The following NHSL1 variants were observed in gnomAD, a reference collection of about 807,000 sequenced individuals.
NHSL1 encodes NHS-like protein 1.
NHSL1 carries 48 observed loss-of-function variants against 95.0 expected under a neutral mutation model. The ratio of observed to expected loss-of-function variants is 0.51; its 90% CI spans 0.40 to 0.64. The LOEUF (loss-of-function observed/expected upper bound fraction) is 0.64, where lower values mean the gene tolerates loss of function less well. NHSL1 is among the 30% of genes least tolerant of loss of function. The pLI is 0.00. For missense variants in NHSL1, 1,971 were observed against 2,077.7 expected (o/e 0.95, Z 1.00); for synonymous variants, 783 against 833.9 (o/e 0.94, Z 1.05).
intron 1 of NHSL1, among the ~76,000 whole-genome samples, chr6:138,594,494 G>T (rs1335917289): frequency 6.6e-6 from 1 of 152,090 alleles, no homozygotes. Flanking sequence ...TGATCTTCAT[G>T]CACTTGTCTA....
At chr6:138,537,895 C>G (rs1782422469) in intron 1 of NHSL1, among the ~76,000 whole-genome samples, 1 of 152,096 alleles carries the variant, frequency 6.6e-6, no homozygotes, top group Non-Finnish European at 1.5e-5. Flanking sequence ...TGCAGAGATC[C>G]AGGCCGGCGA....
chr6:138,428,604 G>A (rs138004738), intron 7 of NHSL1, among the ~76,000 whole-genome samples: 72 of 152,242 alleles, frequency 4.7e-4, no homozygotes, highest in Middle Eastern at 3.4e-3. Flanking sequence ...CACCGGCTTC[G>A]TTCCCCCCAC....
intron 1 of NHSL1, among the ~76,000 whole-genome samples, chr6:138,638,331 A>C (rs1784915392): frequency 6.6e-6 from 1 of 152,210 alleles, no homozygotes; most frequent in Non-Finnish European, 1.5e-5. Context: ...TTAAACTAAA[A>C]GAGTATAATT....
At chr6:138,665,179 C>A (rs900058960) in intron 1 of NHSL1, among the ~76,000 whole-genome samples, 1 of 152,274 alleles carries the variant, frequency 6.6e-6, no homozygotes, top group Non-Finnish European at 1.5e-5. Flanking sequence ...ATTTCTATTT[C>A]TAGTAACACT....
chr6:138,653,305 C>T (rs892416852), intron 1 of NHSL1, among the ~76,000 whole-genome samples: 1 of 152,110 alleles, frequency 6.6e-6, no homozygotes, highest in Non-Finnish European at 1.5e-5. Context: ...CCTGTAATCT[C>T]AGCACTTTGG....
chr6:138,522,768 G>A lies in NHSL1; in HGVS notation c.16+22855C>T, dbSNP rs138112073. Among the ~76,000 whole-genome samples, 32 of 152,192 alleles carry A rather than the reference G, an allele frequency of 2.1e-4. No homozygotes were observed. In the South Asian group the frequency reaches 6.4e-3, roughly 31 times the overall value. ...TGAGGCTGCAGTGAGCCGTGATTGT[G>A]CCACTGCACTCCAGCCTGCTGACAG... On this transcript the variant is annotated intron_variant, in intron 1 of 4. Coordinates refer to the NHSL1 transcript ENST00000342260.
chr6:138,559,153 A>C (rs1783316872), intron 1 of NHSL1, among the ~76,000 whole-genome samples: 1 of 152,258 alleles, frequency 6.6e-6, no homozygotes, highest in African/African-American at 2.4e-5. Flanking sequence ...AAAAATTGGA[A>C]GTTAAAGTTT....
At chr6:138,593,102 C>G (rs1237107809) in intron 1 of NHSL1, among the ~76,000 whole-genome samples, 1 of 152,212 alleles carries the variant, frequency 6.6e-6, no homozygotes, top group Non-Finnish European at 1.5e-5. Context: ...CCACACAAAC[C>G]AGAGAATCAG....
chr6:138,626,784 C>T lies in NHSL1; in HGVS notation c.96+65692G>A, dbSNP rs1784744051. On this transcript the variant is annotated intron_variant, in intron 1 of 3. Coordinates refer to the NHSL1 transcript ENST00000491526. ...TGGCGGGCGCCTGTCGTCCCAGCTACTTGGGAGGCTGAGGCAGGAGAATGG... is the reference window on the plus strand; with the variant it reads ...TGGCGGGCGCCTGTCGTCCCAGCTATTTGGGAGGCTGAGGCAGGAGAATGG... Among the ~76,000 whole-genome samples the T allele has an allele frequency of 1.9e-5, 2 of 107,434 alleles. 1 individual carries two copies. Among genetic ancestry groups the T allele is most frequent in the Non-Finnish European group, 3.6e-5 (2 of 55,456 alleles). 70.5% of individuals were successfully genotyped at this position (107,434 alleles called of 152,430 possible).
intron 1 of NHSL1, among the ~76,000 whole-genome samples, chr6:138,683,435 T>C (rs1448829958): frequency 6.6e-6 from 1 of 152,196 alleles, no homozygotes; most frequent in Non-Finnish European, 1.5e-5. Flanking sequence ...CAGCAGCAAC[T>C]GTTAAATAAA....
At chr6:138,465,867 G>T (rs1386897641) in intron 3 of NHSL1, among the ~76,000 whole-genome samples, 1 of 151,614 alleles carries the variant, frequency 6.6e-6, no homozygotes. Flanking sequence ...GGGATTACAG[G>T]TGCCTGCCAC....
intron 6 of NHSL1, among the ~76,000 whole-genome samples, 155 bp from the exon 7 acceptor site, chr6:138,429,998 G>A (rs1367421634): frequency 1.3e-5 from 2 of 152,196 alleles, no homozygotes; most frequent in Admixed American, 1.3e-4. Flanking sequence ...TACAAAGAAG[G>A]GAGGAAATGA....
At chr6:138,604,307 T>C (rs1240722199) in intron 1 of NHSL1, among the ~76,000 whole-genome samples, 1 of 152,218 alleles carries the variant, frequency 6.6e-6, no homozygotes, top group Non-Finnish European at 1.5e-5. Flanking sequence ...GAGGCTTCCC[T>C]GTATTCATGA....
At chr6:138,484,630 A>C (rs1268724847) in intron 2 of NHSL1, among the ~76,000 whole-genome samples, 1 of 152,218 alleles carries the variant, frequency 6.6e-6, no homozygotes, top group Non-Finnish European at 1.5e-5. Context: ...TGTCACTGAC[A>C]TTAAACACCA....
intron 1 of NHSL1, among the ~76,000 whole-genome samples, chr6:138,685,819 C>A (rs1381526975): frequency 6.6e-6 from 1 of 152,028 alleles, no homozygotes; most frequent in Non-Finnish European, 1.5e-5. Flanking sequence ...GTTGTACTTA[C>A]AAATTCATCT....
rs1407504303 is a variant in NHSL1, at chr6:138,567,717, A to C, written c.202+3993T>G. ...GTATATGGATTATTCATTACCCTTG[A>C]TGCCTAGTATGGTCATTCTCTGGCC... On this transcript the variant is annotated intron_variant, in intron 1 of 6. Coordinates refer to the NHSL1 transcript ENST00000427025. Among the ~76,000 whole-genome samples the C allele has an allele frequency of 2.0e-5, 3 of 152,156 alleles. 1 individual carries two copies. The highest frequency in any genetic ancestry group is 7.2e-5 in the African/African-American group (3 of 41,420).
At chr6:138,528,247 C>T (rs1290149707) in intron 1 of NHSL1, among the ~76,000 whole-genome samples, 3 of 151,758 alleles carry the variant, frequency 2.0e-5, no homozygotes, top group Non-Finnish European at 4.4e-5. Flanking sequence ...CAGGGAATAG[C>T]CAGAGTAACA....
upstream of NHSL1, among the ~76,000 whole-genome samples, chr6:138,549,199 C>T (rs1455226329): frequency 6.6e-6 from 1 of 152,160 alleles, no homozygotes; most frequent in African/African-American, 2.4e-5. Flanking sequence ...GCCTAACCAA[C>T]ATGGAGAAAC....
At chr6:138,437,445 CAAAAAAAA>C (rs1202687511) in intron 5 of NHSL1, among the ~76,000 whole-genome samples, 21 of 61,810 alleles carry the variant, frequency 3.4e-4, no homozygotes, top group African/African-American at 1.1e-3. Flanking sequence ...CACACACACA[CAAAAAAAA>C]AAAAAAAAAA....
Sources: allele counts gnomAD v4.1 joint callset (sites outside exome capture counted in the v4.1 genomes callset), GRCh38; gene constraint gnomAD v4.1.1; transcripts MANE v1.5; gene names NCBI Gene and HGNC (gene_info 2026-07-23, HGNC 2026-07-21).